The following DIDO1 variants were observed in gnomAD, a reference collection of about 807,000 sequenced individuals.
DIDO1 encodes the protein death inducer-obliterator 1, also known as death-inducer obliterator 1.
In DIDO1, 16 loss-of-function variants were observed where a neutral mutation model predicts 99.4. The observed-to-expected ratio is 0.16, with a 90% CI of 0.11 to 0.24. The LOEUF is 0.24. Among genes scored for constraint, DIDO1 ranks in the 10% least tolerant of loss-of-function variants. The pLI, the probability that DIDO1 is intolerant of heterozygous loss-of-function variation, is 1.00. For missense variants in DIDO1, 2,996 were observed against 3,014.0 expected (o/e 0.99, Z 0.14); for synonymous variants, 1,366 against 1,239.1 (o/e 1.10, Z -2.15).
rs775712355 is a variant in DIDO1, at chr20:62,896,289, G to A, written c.2158C>T (p.Arg720Cys). 3.1e-6 allele frequency: 5 copies of A among 1,613,792 alleles called. No individual in the cohort carries two copies. The highest frequency in any genetic ancestry group is 2.2e-5 in the East Asian group (1 of 44,884). ...MFNLFQVTDNRYKSKYRSIMF... is the reference protein window; with the variant it reads ...MFNLFQVTDNCYKSKYRSIMF... ...ATGCTGCGATATTTACTCTTGTAGC[G>A]ATTATCTGTAACTTGAAACAAGTTA... Residue 720 changes from arginine to cysteine, a missense_variant, in exon 8 of 16, where the codon CGC becomes TGC. Around this residue, in one of 5 missense-constraint regions of DIDO1, gnomAD observed 898 missense variants for 972.7 expected, o/e 0.92. Transcript: ENST00000395343. This position sits in a 1 kb window ranked among gnomAD's most constrained non-coding sequence, Gnocchi z 4.4.
chr20:62,904,780 CAAAAAA>C (rs58039393), intron 6 of DIDO1, among the ~76,000 whole-genome samples: 48 of 62,624 alleles, frequency 7.7e-4, no homozygotes, highest in Admixed American at 2.3e-3. Context: ...ACTCTTGTCT[CAAAAAA>C]AAAAAAAAAA....
In DIDO1 at chr20:62,907,375, G is replaced by A. The variant is rs1486318756; in HGVS notation, c.1162-16C>T. The A allele has an allele frequency of 1.2e-6, 2 of 1,610,844 alleles. No individual in the cohort carries two copies. Among genetic ancestry groups the A allele is most frequent in the African/African-American group, 2.7e-5 (2 of 74,814 alleles). On this transcript the variant is annotated splice_polypyrimidine_tract_variant and intron_variant, in intron 4 of 15. Coordinates refer to ENST00000395343, the MANE Select transcript of DIDO1 (RefSeq NM_001193369.2). Reference sequence around the variant, plus strand: ...CCTCTATCACCTGCAGAACAAAACAGATGACTTCAAACAATGTACTTGCCA... The same window carrying A: ...CCTCTATCACCTGCAGAACAAAACAAATGACTTCAAACAATGTACTTGCCA...
intron 13 of DIDO1, among the ~76,000 whole-genome samples, 183 bp from the exon 14 acceptor site, chr20:62,892,259 G>T (rs2064414404): frequency 6.6e-6 from 1 of 152,178 alleles, no homozygotes; most frequent in Admixed American, 6.5e-5. Context: ...TCCAAAGGGG[G>T]AGTGATGCCA....
At chr20:62,916,969 C>A (rs998142299) in intron 1 of DIDO1, among the ~76,000 whole-genome samples, 1 of 152,192 alleles carries the variant, frequency 6.6e-6, no homozygotes, top group African/African-American at 2.4e-5. Context: ...CTGGATGACA[C>A]GGGTTCAAGT....
chr20:62,893,032 C>T, intron 12 of DIDO1, 70 bp from the exon 13 acceptor site: 1 of 1,266,062 alleles, frequency 7.9e-7, no homozygotes, highest in Non-Finnish European at 1.1e-6. Context: ...AGTAGAAAGC[C>T]TTTTTTTTTT....
rs780058396 is a variant in DIDO1 at position 62,880,751 on chromosome 20, C to A, written c.5205G>T (p.Pro1735=). The part of the protein sequence containing the change: ...PQARPGEGTA[P]LPPPGQKVGG... ...CCACTTTCTGTCCTGGTGGGGGGAG[C>A]GGGGCGGTGCCCTCGCCGGGTCTGG... Residue 1735 remains proline (P), a synonymous_variant, in exon 16 of 16, where the codon CCG becomes CCT. Transcript: ENST00000395343. The A allele has an allele frequency of 2.1e-5, 34 of 1,612,558 alleles. No individual in the cohort carries two copies. Among genetic ancestry groups the A allele is most frequent in the Non-Finnish European group, 2.8e-5 (33 of 1,179,894 alleles).
intron 6 of DIDO1, among the ~76,000 whole-genome samples, chr20:62,902,353 ATTCT>A (rs1026013009): frequency 6.6e-6 from 1 of 152,236 alleles, no homozygotes; most frequent in African/African-American, 2.4e-5. Flanking sequence ...ATCAAGCTAT[ATTCT>A]TTCTCAGAAC....
chr20:62,931,925 G>C (rs193218475), intron 1 of DIDO1, among the ~76,000 whole-genome samples: 1 of 152,322 alleles, frequency 6.6e-6, no homozygotes, highest in Non-Finnish European at 1.5e-5. Flanking sequence ...TCCTGCTCTT[G>C]CTTAGTTCAC....
chr20:62,882,205 C>T lies in DIDO1; in HGVS notation c.3751G>A (p.Ala1251Thr), dbSNP rs1316822578. The T allele has an allele frequency of 1.2e-6, 2 of 1,613,624 alleles. No individual in the cohort carries two copies. Among genetic ancestry groups the T allele is most frequent in the East Asian group, 2.2e-5 (1 of 44,888 alleles). Residue 1251 changes from alanine to threonine, a missense_variant, in exon 16 of 16, where the codon GCG becomes ACG. Coordinates refer to ENST00000395343, the MANE Select transcript of DIDO1 (RefSeq NM_001193369.2). ...PSKYPLCSAD[A>T]AVSTTPPGSP... ...CCAGGAGGTGTGGTGCTGACAGCCG[C>T]GTCTGCAGAGCAGAGTGGATACTTG...
rs369108956 is a variant in DIDO1 at position 62,891,167 on chromosome 20, G to A, written c.3346-12C>T. On this transcript the variant is annotated splice_polypyrimidine_tract_variant and intron_variant, in intron 14 of 15. Transcript: ENST00000395343. ...ATCAGACAGAGCTCCTGCAATGGAA[G>A]AGTGGGAAGCACTCATAAAGAAAAT... 1.9e-6 allele frequency: 3 copies of A among 1,613,744 alleles called. No homozygotes were observed. The African/African-American group carries it at 4.0e-5, about 22-fold the overall frequency.
intron 3 of DIDO1, 110 bp from the exon 4 acceptor site, chr20:62,910,130 A>G (rs2064897187): frequency 1.7e-6 from 2 of 1,171,102 alleles, no homozygotes; most frequent in Non-Finnish European, 2.4e-6. Flanking sequence ...AAATATACAG[A>G]AAAGTAGAGA....
chr20:62,924,769 A>G (rs781200221), intron 1 of DIDO1, among the ~76,000 whole-genome samples: 8 of 152,204 alleles, frequency 5.3e-5, no homozygotes, highest in Non-Finnish European at 7.3e-5. Context: ...CTGGGCAGTC[A>G]ATCACAAATT....
intron 6 of DIDO1, among the ~76,000 whole-genome samples, chr20:62,902,909 G>T (rs921079988): frequency 1.3e-4 from 20 of 152,172 alleles, no homozygotes; most frequent in Non-Finnish European, 2.9e-4. Flanking sequence ...CAAAATACTA[G>T]AAATTGCACC....
chr20:62,897,509 A>G (rs1038591932), intron 6 of DIDO1, among the ~76,000 whole-genome samples: 1 of 152,208 alleles, frequency 6.6e-6, no homozygotes, highest in African/African-American at 2.4e-5. Flanking sequence ...AGGCGATGCC[A>G]TTAATAAAAA....
intron 6 of DIDO1, among the ~76,000 whole-genome samples, chr20:62,903,530 A>G (rs553146111): frequency 1.4e-4 from 22 of 152,270 alleles, no homozygotes; most frequent in African/African-American, 5.3e-4. Context: ...AAAGGCATAC[A>G]GTGGTGGCAG....
intron 6 of DIDO1, chr20:62,904,987 G>A: frequency 1.0e-6 from 1 of 987,570 alleles, no homozygotes; most frequent in Non-Finnish European, 1.2e-6. Flanking sequence ...ATGCACTATA[G>A]ACAGAAGGCA....
Position 62,894,691 on chromosome 20 carries a change from GCCA to G in DIDO1, c.2436+116_2436+118del. On this transcript the variant is annotated intron_variant, in intron 10 of 15. Coordinates refer to ENST00000395343, the MANE Select transcript of DIDO1 (RefSeq NM_001193369.2). This position sits in a 1 kb window ranked among gnomAD's most constrained non-coding sequence, Gnocchi z 4.4. ...CCATCTAATACAAGGACTGAGGAAT[GCCA>G]CAATGACATACACCTGCTGTAAGCT... The G allele has an allele frequency of 7.1e-7, 1 of 1,403,584 alleles. No individual in the cohort carries two copies. The highest frequency in any genetic ancestry group is 9.6e-7 in the Non-Finnish European group (1 of 1,039,444). The allele number at this position is 1,403,584 out of a possible 1,614,324, so 86.9% of individuals were successfully genotyped here. A position where few individuals can be genotyped will look rare whatever the true frequency, so the allele number is the denominator to read the frequency against.
Position 62,889,344 on chromosome 20 carries a change from C to T in DIDO1, c.3541+1616G>A, listed in dbSNP as rs770089939. On this transcript the variant is annotated intron_variant, in intron 15 of 15. Transcript: ENST00000395343. ...TGTGGGGAACCCGGTGCCCGGCATG[C>T]GCCGGGGCTCGCTCAACACCCTACA... The T allele has an allele frequency of 2.4e-5, 23 of 976,314 alleles. No homozygotes were observed. In the East Asian group the frequency reaches 3.5e-4, roughly 15 times the overall value. 60.5% of individuals were successfully genotyped at this position (976,314 alleles called of 1,614,324 possible). A position where few individuals can be genotyped will look rare whatever the true frequency, so the allele number is the denominator to read the frequency against.
At chr20:62,891,835 A>G in intron 14 of DIDO1, 152 bp downstream of exon 14, 1 of 672,856 alleles carries the variant, frequency 1.5e-6, no homozygotes. Flanking sequence ...GGCTCACTGC[A>G]AAACTTAATT....
Sources: gnomAD v4.1 joint callset for allele counts (sites outside exome capture counted in the v4.1 genomes callset) on GRCh38, gnomAD v4.1.1 for gene constraint, gnomAD v4.1.1 regional missense constraint, Gnocchi (gnomAD v3.1) non-coding constraint, MANE v1.5 for transcripts, NCBI Gene and HGNC (gene_info 2026-07-23, HGNC 2026-07-21) for gene names.